The following SAE1 variants were observed in gnomAD, a reference collection of about 807,000 sequenced individuals.
SAE1 encodes SUMO-activating enzyme subunit 1.
A neutral mutation model predicts 40.6 loss-of-function variants in SAE1; 11 were observed. That is an observed-to-expected ratio of 0.27 (90% CI 0.17 to 0.45). SAE1 has a LOEUF of 0.45. Ranked by LOEUF, SAE1 falls within the 20% of genes least tolerant of loss-of-function variation. The probability of loss-of-function intolerance (pLI) is 1.00; values close to 1 mark genes in which losing one functional copy is unlikely to be tolerated. For synonymous variants in SAE1, 155 were observed against 154.3 expected (o/e 1.00, Z -0.03); for missense variants, 373 against 427.3 (o/e 0.87, Z 1.12).
chr19:47,136,194 A>T (rs1422607766), intron 1 of SAE1, among the ~76,000 whole-genome samples: 5 of 151,862 alleles, frequency 3.3e-5, no homozygotes, highest in Admixed American at 3.3e-4. Flanking sequence ...GCTAGAGGAC[A>T]GTGGCACGAT....
In SAE1 at chr19:47,183,372, C is replaced by T. The variant is rs576694547; in HGVS notation, c.733+13449C>T. On this transcript the variant is annotated intron_variant, in intron 6 of 8. Transcript: ENST00000270225. ...CACGCAGTAAGTGTTAGAGTCTAAA[C>T]GAGCCAGAGCTGTCACACTGTCATC... is the stretch of plus-strand genomic sequence containing the variant. 3.9e-5 allele frequency among the ~76,000 whole-genome samples: 6 copies of T among 152,260 alleles called. No individual in the cohort carries two copies. The East Asian group carries it at 9.6e-4, about 24-fold the overall frequency.
chr19:47,197,028 A>T (rs1181548221), intron 6 of SAE1, among the ~76,000 whole-genome samples: 1 of 152,008 alleles, frequency 6.6e-6, no homozygotes, highest in African/African-American at 2.4e-5. Context: ...TAAATATACA[A>T]AAATTAGCCA....
At chr19:47,168,286 T>G (rs2058407759) in intron 5 of SAE1, among the ~76,000 whole-genome samples, 1 of 152,178 alleles carries the variant, frequency 6.6e-6, no homozygotes, top group South Asian at 2.1e-4. Flanking sequence ...ATGCCACATG[T>G]GTCATTTCCA....
At chr19:47,173,052 A>G (rs139139711) in intron 6 of SAE1, among the ~76,000 whole-genome samples, 82 of 152,222 alleles carry the variant, frequency 5.4e-4, no homozygotes, top group Non-Finnish European at 4.0e-4. Context: ...CCCCAGAGAC[A>G]GAGTCTTGCT....
chr19:47,141,347 G>C (rs2058220713), intron 1 of SAE1, among the ~76,000 whole-genome samples: 1 of 151,318 alleles, frequency 6.6e-6, no homozygotes, highest in Non-Finnish European at 1.5e-5. Flanking sequence ...TCACCATGTT[G>C]GACAGGCTGG....
chr19:47,135,143 A>C (rs1323193942), intron 1 of SAE1, among the ~76,000 whole-genome samples: 5 of 152,112 alleles, frequency 3.3e-5, no homozygotes. Context: ...TGGGGTATCC[A>C]CCACCTTAAG....
chr19:47,159,039 G>A (rs533607182), intron 5 of SAE1, among the ~76,000 whole-genome samples: 1 of 152,272 alleles, frequency 6.6e-6, no homozygotes, highest in South Asian at 2.1e-4. Flanking sequence ...GTTAGGTGCT[G>A]CCAGAGATGA....
At chr19:47,182,496 T>TGTGTGTGTGTGTGTGTGCGCGC (rs143321323) in intron 6 of SAE1, among the ~76,000 whole-genome samples, 4 of 145,938 alleles carry the variant, frequency 2.7e-5, no homozygotes, top group Admixed American at 1.4e-4. Context: ...TGTGTGTGTG[T>TGTGTGTGTGTGTGTGTGCGCGC]GCGCGCACGC....
rs550693328 is a variant in SAE1 at position 47,173,344 on chromosome 19, CAT to C, written c.733+3425_733+3426del. On this transcript the variant is annotated intron_variant, in intron 6 of 8. Coordinates refer to ENST00000270225, the MANE Select transcript of SAE1 (RefSeq NM_005500.3). ...ATGCACCACTGCCTGCCACAGAAGT[CAT>C]ATAGCTACTGTTTCTTCCTCAACCA... Among the ~76,000 whole-genome samples, 148 of 152,272 alleles carry C rather than the reference CAT, an allele frequency of 9.7e-4. 1 individual carries two copies. Among genetic ancestry groups the C allele is most frequent in the African/African-American group, 3.5e-3 (144 of 41,568 alleles).
chr19:47,167,728 G>A (rs1414483917), intron 5 of SAE1, among the ~76,000 whole-genome samples: 2 of 152,004 alleles, frequency 1.3e-5, no homozygotes, highest in African/African-American at 4.8e-5. Context: ...ACCTCTGTAA[G>A]TTTGAAATTA....
At chr19:47,188,853 T>C (rs933128311) in intron 6 of SAE1, among the ~76,000 whole-genome samples, 2 of 152,088 alleles carry the variant, frequency 1.3e-5, no homozygotes, top group Admixed American at 1.3e-4. Context: ...GACAGGCAAA[T>C]ATTCAGAGAC....
chr19:47,160,520 G>A (rs1186578867), intron 5 of SAE1, among the ~76,000 whole-genome samples: 7 of 148,914 alleles, frequency 4.7e-5, no homozygotes, highest in South Asian at 2.1e-4. Context: ...TCAGCCTCCC[G>A]AGTAGCTGGG....
In SAE1 at chr19:47,184,777, G is replaced by T. The variant is rs73061321; in HGVS notation, c.734-12456G>T. Among the ~76,000 whole-genome samples, 1,316 of 149,626 alleles carry T rather than the reference G, an allele frequency of 8.8e-3. 7 individuals carry two copies. Among genetic ancestry groups the T allele is most frequent in the Non-Finnish European group, 0.014 (943 of 67,784 alleles). On this transcript the variant is annotated intron_variant, in intron 6 of 8. Coordinates refer to ENST00000270225, the MANE Select transcript of SAE1 (RefSeq NM_005500.3). ...ATGTAGGATATGACATGGTTGTGGGGTTTTTTTTGTTTTTGTTTTGTTTTT... is the reference window on the plus strand; with the variant it reads ...ATGTAGGATATGACATGGTTGTGGGTTTTTTTTTGTTTTTGTTTTGTTTTT...
chr19:47,168,284 T>G (rs988733705), intron 5 of SAE1, among the ~76,000 whole-genome samples: 1 of 152,152 alleles, frequency 6.6e-6, no homozygotes, highest in African/African-American at 2.4e-5. Flanking sequence ...TGATGCCACA[T>G]GTGTCATTTC....
rs138748365 is a variant in SAE1 at position 47,198,143 on chromosome 19, C to T, written c.878+766C>T. Among the ~76,000 whole-genome samples the T allele has an allele frequency of 3.9e-3, 592 of 151,706 alleles. 5 individuals carry two copies. The highest frequency in any genetic ancestry group is 0.014 in the African/African-American group (564 of 41,404). On this transcript the variant is annotated intron_variant, in intron 7 of 8. Transcript: ENST00000270225. ...TTTTTTTTTGAGACAGAGTTTTGCT[C>T]TTGTTGCCCAGGCTGGAGTGCAATG...
In SAE1 at chr19:47,210,440, T is replaced by C. The variant is rs773927636; in HGVS notation, c.*1189T>C. 3.9e-5 allele frequency: 6 copies of C among 152,188 alleles called. No homozygotes were observed. The highest frequency in any genetic ancestry group is 8.8e-5 in the Non-Finnish European group (6 of 68,030). 9.4% of individuals were successfully genotyped at this position (152,188 alleles called of 1,614,324 possible). A position where few individuals can be genotyped will look rare whatever the true frequency, so the allele number is the denominator to read the frequency against. On this transcript the variant is annotated 3_prime_UTR_variant, in exon 9 of 9. Coordinates refer to ENST00000270225, the MANE Select transcript of SAE1 (RefSeq NM_005500.3). ...TGGCTATTTTCAGTGGCAAGAATTA[T>C]AATAATAAAGGGAAGTCAAAAGTGA...
Position 47,155,227 on chromosome 19 carries a change from G to T in SAE1, c.627+14G>T. 4 of 1,566,416 alleles carry T rather than the reference G, an allele frequency of 2.6e-6. No homozygotes were observed. The highest frequency in any genetic ancestry group is 2.2e-5 in the South Asian group (2 of 90,176). Reference sequence around the variant, plus strand: ...ATGGTCAAAAAGGTATGTGTAACGTGGGGGCAGAGGTCAGAAACCCTGGGG... The same window carrying T: ...ATGGTCAAAAAGGTATGTGTAACGTTGGGGCAGAGGTCAGAAACCCTGGGG... On this transcript the variant is annotated intron_variant, in intron 5 of 8. Transcript: ENST00000270225.
chr19:47,164,568 G>A (rs1239496685), intron 5 of SAE1, among the ~76,000 whole-genome samples: 2 of 150,440 alleles, frequency 1.3e-5, no homozygotes, highest in African/African-American at 4.9e-5. Flanking sequence ...TGAGGTTATT[G>A]CAGTTTCCTA....
intron 8 of SAE1, among the ~76,000 whole-genome samples, chr19:47,204,647 C>T (rs1319646971): frequency 6.6e-6 from 1 of 151,606 alleles, no homozygotes; most frequent in Non-Finnish European, 1.5e-5. Flanking sequence ...GCTGAGAGTA[C>T]AGGTTCCCAC....
Sources: allele counts gnomAD v4.1 joint callset (sites outside exome capture counted in the v4.1 genomes callset), GRCh38; gene constraint gnomAD v4.1.1; transcripts MANE v1.5; gene names NCBI Gene and HGNC (gene_info 2026-07-23, HGNC 2026-07-21).